Variants in MTMR3 observed in about 807,000 individuals in gnomAD.
The protein encoded by MTMR3 is myotubularin related protein 3, also known as phosphatidylinositol-3,5-bisphosphate 3-phosphatase MTMR3.
Under a neutral mutation model 132.4 loss-of-function variants are expected in MTMR3, and 32 were observed. The observed-to-expected ratio is 0.24, with a 90% CI of 0.18 to 0.32. The LOEUF (loss-of-function observed/expected upper bound fraction) is 0.32. Among genes scored for constraint, MTMR3 ranks in the 10% least tolerant of loss-of-function variants. The pLI, the probability that MTMR3 is intolerant of heterozygous loss-of-function variation, is 1.00. For missense variants in MTMR3, 1,216 were observed against 1,489.6 expected, an observed-to-expected ratio of 0.82 and a Z score of 3.02; for synonymous variants, 556 against 550.3, an observed-to-expected ratio of 1.01 and a Z score of -0.14.
At chr22:29,900,550 C>T (rs1736964397) in intron 1 of MTMR3, among the ~76,000 whole-genome samples, 1 of 151,996 alleles carries the variant, frequency 6.6e-6, no homozygotes, top group Admixed American at 6.6e-5. Context: ...TTAACTATGC[C>T]AGGCACTACC....
chr22:29,907,799 A>T (rs1220175513), intron 1 of MTMR3, among the ~76,000 whole-genome samples: 1 of 151,952 alleles, frequency 6.6e-6, no homozygotes, highest in African/African-American at 2.4e-5. Flanking sequence ...TTTTTTTTTG[A>T]TACACACTTT....
chr22:29,912,191 T>G (rs1544432), intron 1 of MTMR3, among the ~76,000 whole-genome samples: 40,709 of 152,186 alleles, frequency 0.27, 5,557 homozygotes, highest in South Asian at 0.37. Flanking sequence ...AAGAAAAGTC[T>G]TAATTTGTTT....
intron 13 of MTMR3, 86 bp from the exon 14 acceptor site, chr22:30,013,270 G>T: frequency 7.0e-7 from 1 of 1,425,494 alleles, no homozygotes; most frequent in Non-Finnish European, 9.7e-7. Context: ...CTGTTAGAGG[G>T]GATTGCTTTC....
chr22:30,013,115 A>G lies in MTMR3; in HGVS notation c.1318-241A>G, dbSNP rs149772386. ...CACAAGAGGCTAAAAATACACATTC[A>G]AGAAAGGCTTAGATAAACGCAGTCA... On this transcript the variant is annotated intron_variant, in intron 13 of 19. Transcript: ENST00000401950. The G allele has an allele frequency of 1.3e-3, 430 of 326,540 alleles. 10 individuals are homozygous for G. The East Asian group carries it at 0.021, about 16-fold the overall frequency. The allele number at this position is 326,540 out of a possible 1,614,324, so 20.2% of individuals were successfully genotyped here.
intron 1 of MTMR3, among the ~76,000 whole-genome samples, chr22:29,951,793 T>G (rs1191511701): frequency 6.6e-6 from 1 of 151,838 alleles, no homozygotes; most frequent in Non-Finnish European, 1.5e-5. Context: ...ACATGATTGA[T>G]CTTTTGGTCA....
At chr22:29,950,363 A>AT (rs138439307) in intron 1 of MTMR3, among the ~76,000 whole-genome samples, 43,671 of 149,578 alleles carry the variant, frequency 0.29, 7,425 homozygotes, top group East Asian at 0.61. Context: ...TTATTTTTTT[A>AT]TTTATTTTTT....
intron 14 of MTMR3, chr22:30,015,140 A>AG (rs2067546505): frequency 6.6e-6 from 1 of 152,078 alleles, no homozygotes; most frequent in Non-Finnish European, 1.5e-5. Context: ...TTGAACTCCC[A>AG]GGGTCAAGTG....
chr22:29,969,195 C>G (rs73162773), intron 2 of MTMR3, among the ~76,000 whole-genome samples: 1 of 152,064 alleles, frequency 6.6e-6, no homozygotes, highest in Non-Finnish European at 1.5e-5. Flanking sequence ...GTTCCTTGTC[C>G]GTTGAGCTGT....
In MTMR3 at chr22:30,026,013, C is replaced by T; in HGVS notation, c.*212C>T. 1 of 459,876 alleles carries T rather than the reference C, an allele frequency of 2.2e-6. No homozygotes were observed. Among genetic ancestry groups the T allele is most frequent in the East Asian group, 3.2e-5 (1 of 31,044 alleles). 28.5% of individuals were successfully genotyped at this position (459,876 alleles called of 1,614,324 possible). A position where few individuals can be genotyped will look rare whatever the true frequency, so the allele number is the denominator to read the frequency against. ...CTACCTTTTCCATCCTCCTCCTCTG[C>T]CTTCAAAAAAGGAAACTTTCCCTTG... On this transcript the variant is annotated 3_prime_UTR_variant, in exon 20 of 20. Coordinates refer to ENST00000401950, the MANE Select transcript of MTMR3 (RefSeq NM_021090.4).
At chr22:29,949,124 CACACACACACACA>C (rs2066009033) in intron 1 of MTMR3, among the ~76,000 whole-genome samples, 2 of 39,220 alleles carry the variant, frequency 5.1e-5, no homozygotes, top group African/African-American at 2.5e-4. Context: ...CACACACACA[CACACACACACACA>C]CACACACCCC....
intron 3 of MTMR3, among the ~76,000 whole-genome samples, chr22:29,975,850 C>T (rs2066619135): frequency 6.6e-6 from 1 of 152,224 alleles, no homozygotes; most frequent in Non-Finnish European, 1.5e-5. Context: ...AAGCGATCTG[C>T]CCACTGTAGC....
In MTMR3 at chr22:29,933,071, C is replaced by T. The variant is rs184284627; in HGVS notation, c.-137-23965C>T. Among the ~76,000 whole-genome samples, 85 of 152,180 alleles carry T rather than the reference C, an allele frequency of 5.6e-4. No homozygotes were observed. The East Asian group carries it at 0.016, about 28-fold the overall frequency. On this transcript the variant is annotated intron_variant, in intron 1 of 19. Coordinates refer to ENST00000401950, the MANE Select transcript of MTMR3 (RefSeq NM_021090.4). ...GCCACCTCTGCCTCCTGGGTTCAAGCGATTCTCCTGCTTCAGCCTCCCTAG... is the reference window on the plus strand; with the variant it reads ...GCCACCTCTGCCTCCTGGGTTCAAGTGATTCTCCTGCTTCAGCCTCCCTAG...
intron 1 of MTMR3, among the ~76,000 whole-genome samples, chr22:29,892,577 G>GA (rs2064821126): frequency 6.6e-6 from 1 of 152,124 alleles, no homozygotes; most frequent in Non-Finnish European, 1.5e-5. Flanking sequence ...TCTTGAGTTA[G>GA]AATAAGTTGC....
intron 1 of MTMR3, among the ~76,000 whole-genome samples, chr22:29,923,158 C>T (rs914671379): frequency 3.3e-5 from 5 of 151,728 alleles, no homozygotes; most frequent in Non-Finnish European, 7.4e-5. Context: ...TCTCCTGCCT[C>T]AGCCTCCTGA....
Position 30,022,044 on chromosome 22 carries a change from T to C in MTMR3, c.3241T>C (p.Ser1081Pro), listed in dbSNP as rs1351349554. ...TTGCCAACAGACTTCAATCCCCGAC[T>C]CGGAAAGCAATCTGGATCAGAACTG... is the stretch of plus-strand genomic sequence containing the variant. ...FGDEVTSIPD[S>P]ESNLDQNCLS... The change falls in exon 18 of 20, where the codon TCG becomes CCG. Residue 1081 changes from serine (S) to proline (P), a missense_variant. Coordinates refer to ENST00000401950, the MANE Select transcript of MTMR3 (RefSeq NM_021090.4). 9 of 1,614,116 alleles carry C rather than the reference T, an allele frequency of 5.6e-6. No individual in the cohort carries two copies. Among genetic ancestry groups the C allele is most frequent in the African/African-American group, 1.3e-5 (1 of 75,056 alleles).
intron 19 of MTMR3, chr22:30,023,267 C>A: frequency 1.6e-6 from 1 of 626,018 alleles, no homozygotes; most frequent in Non-Finnish European, 2.9e-6. Flanking sequence ...GGTGGATGTT[C>A]AGTGTTCTTA....
intron 5 of MTMR3, chr22:29,980,278 TTA>T (rs2066714668): frequency 1.3e-5 from 2 of 152,212 alleles, no homozygotes; most frequent in African/African-American, 4.8e-5. Flanking sequence ...AGTTAAGCAT[TTA>T]TGTCCAGGAG....
chr22:29,930,939 G>A (rs1033279956), intron 1 of MTMR3, among the ~76,000 whole-genome samples: 3 of 147,518 alleles, frequency 2.0e-5, no homozygotes, highest in Non-Finnish European at 4.5e-5. Context: ...CCTGGGAGGT[G>A]GAGGCTGCAG....
In MTMR3 at chr22:29,898,622, G is replaced by A. The variant is rs144838428; in HGVS notation, c.-138+15263G>A. The stretch of plus-strand genomic sequence containing the variant: ...TTTGTCCTGTTACCCAGGCTGCCTC[G>A]AACTCCTGGACTCAAGCAGTCCACC... On this transcript the variant is annotated intron_variant, in intron 1 of 19. Coordinates refer to ENST00000401950, the MANE Select transcript of MTMR3 (RefSeq NM_021090.4). 1.0e-3 allele frequency among the ~76,000 whole-genome samples: 158 copies of A among 152,018 alleles called. 2 individuals are homozygous for A. The highest frequency in any genetic ancestry group is 3.6e-3 in the African/African-American group (151 of 41,460).
Sources: gnomAD v4.1 joint callset for allele counts (sites outside exome capture counted in the v4.1 genomes callset) on GRCh38, gnomAD v4.1.1 for gene constraint, MANE v1.5 for transcripts, NCBI Gene and HGNC (gene_info 2026-07-23, HGNC 2026-07-21) for gene names.